Variants in MOK observed in about 807,000 individuals in gnomAD.
MOK encodes MOK protein kinase, also known as MAPK/MAK/MRK overlapping kinase.
A neutral mutation model predicts 54.2 loss-of-function variants in MOK; 59 were observed. The ratio of observed to expected loss-of-function variants is 1.09; its 90% confidence interval spans 0.88 to 1.35. The LOEUF is 1.35. Ranked by LOEUF, MOK falls within the 40% of genes most tolerant of loss-of-function variation. The probability of loss-of-function intolerance (pLI) is 0.00; values close to 1 mark genes in which losing one functional copy is unlikely to be tolerated. For synonymous variants in MOK, 210 were observed against 202.7 expected (o/e 1.04, Z -0.31); for missense variants, 517 against 526.2 (o/e 0.98, Z 0.17).
At chr14:102,273,185 C>T (rs990990828) in intron 2 of MOK, among the ~76,000 whole-genome samples, 2 of 148,322 alleles carry the variant, frequency 1.3e-5, no homozygotes, top group Non-Finnish European at 3.0e-5. Context: ...AAAAAGTCAT[C>T]AACATTGGGA....
intron 1 of MOK, among the ~76,000 whole-genome samples, chr14:102,299,415 T>C (rs2071891687): frequency 6.6e-6 from 1 of 151,812 alleles, no homozygotes; most frequent in South Asian, 2.1e-4. Flanking sequence ...CTCGGGAGGC[T>C]GATGCATGAG....
intron 1 of MOK, among the ~76,000 whole-genome samples, chr14:102,294,118 G>A (rs924808963): frequency 6.6e-6 from 1 of 151,134 alleles, no homozygotes; most frequent in African/African-American, 2.5e-5. Flanking sequence ...TGGGTAACAT[G>A]GTGAAATCTT....
intron 7 of MOK, among the ~76,000 whole-genome samples, chr14:102,242,922 G>A (rs2065828179): frequency 6.6e-6 from 1 of 151,990 alleles, no homozygotes; most frequent in South Asian, 2.1e-4. Context: ...GCCACTCTTT[G>A]CTTTCACTTG....
Position 102,228,872 on chromosome 14 carries a change from G to A in MOK, c.*417C>T, listed in dbSNP as rs1341078131. 1.1e-5 allele frequency: 2 copies of A among 189,060 alleles called. No individual in the cohort carries two copies. Among genetic ancestry groups the A allele is most frequent in the South Asian group, 1.7e-4 (1 of 5,852 alleles). 11.7% of individuals were successfully genotyped at this position (189,060 alleles called of 1,614,324 possible). A position where few individuals can be genotyped will look rare whatever the true frequency, so the allele number is the denominator to read the frequency against. ...CAGCTTATTCTTTAATAAAAGTCAG[G>A]GGTGTCAGCAGCGTCACTGGTAAGA... On this transcript the variant is annotated 3_prime_UTR_variant, in exon 12 of 12. Transcript: ENST00000361847.
chr14:102,261,409 A>AT (rs2067409397), intron 4 of MOK, among the ~76,000 whole-genome samples: 1 of 79,720 alleles, frequency 1.3e-5, no homozygotes, highest in Non-Finnish European at 2.4e-5. Context: ...AAAAAAAAAA[A>AT]AAAAAAAAAA....
intron 6 of MOK, chr14:102,251,547 T>A: frequency 1.6e-6 from 1 of 643,116 alleles, no homozygotes; most frequent in South Asian, 1.5e-5. Context: ...TGCTTTCAAT[T>A]ATTTTCTTCC....
In MOK at chr14:102,231,754, C is replaced by T. The variant is rs142160037; in HGVS notation, c.934G>A (p.Glu312Lys). The T allele has an allele frequency of 1.9e-4, 312 of 1,612,482 alleles. 1 individual carries two copies. Among genetic ancestry groups the T allele is most frequent in the Middle Eastern group, 3.9e-4 (2 of 5,098 alleles). ...AGFPEHPVAPEPLSNSCQISK... is the reference protein window; with the variant it reads ...AGFPEHPVAPKPLSNSCQISK... ...ATCTGGCAGCTGTTACTGAGTGGTT[C>T]CGGTGCCACAGGGTGCTCCGGAAAG... Residue 312 changes from glutamate to lysine, a missense_variant, in exon 10 of 12, where the codon GAA (glutamate) becomes AAA (lysine). Glu to Lys is a moderately conservative substitution (Grantham distance 56). Coordinates refer to ENST00000361847, the MANE Select transcript of MOK (RefSeq NM_014226.3). This position sits in a 1 kb window ranked among gnomAD's most constrained non-coding sequence, Gnocchi z 4.4.
the MOK span, among the ~76,000 whole-genome samples, chr14:102,218,154 G>A: frequency 6.6e-6 from 1 of 152,240 alleles, no homozygotes; most frequent in Non-Finnish European, 1.5e-5. Context: ...GCCATGAAAC[G>A]GGTCCCAGGG....
intron 7 of MOK, among the ~76,000 whole-genome samples, chr14:102,244,198 G>C (rs1027492717): frequency 6.6e-6 from 1 of 150,416 alleles, no homozygotes; most frequent in East Asian, 2.0e-4. Context: ...TCGGGGCAAC[G>C]CTTATGCTGA....
rs1309063618 is a variant in MOK at position 102,229,497 on chromosome 14, G to A, written c.1142C>T (p.Pro381Leu). 24 of 1,614,172 alleles carry A rather than the reference G, an allele frequency of 1.5e-5. No individual in the cohort carries two copies. Among genetic ancestry groups the A allele is most frequent in the Non-Finnish European group, 1.9e-5 (22 of 1,180,028 alleles). ...GATGCACTTCAAGGGTCTCAGCACC[G>A]GCACTCTTCCATTTGTTCCAGATCC... ...VLGSGTNGRVPVLRPLKCIPA... is the reference protein window; with the variant it reads ...VLGSGTNGRVLVLRPLKCIPA... The change falls in exon 11 of 12, where the codon CCG (proline) becomes CTG (leucine). Residue 381 changes from proline to leucine, a missense_variant. Transcript: ENST00000361847.
intron 7 of MOK, among the ~76,000 whole-genome samples, chr14:102,247,052 C>T (rs945373661): frequency 6.6e-6 from 1 of 152,150 alleles, no homozygotes; most frequent in African/African-American, 2.4e-5. Flanking sequence ...TCCCTCTTCC[C>T]TTGGCTCCCC....
chr14:102,231,538 A>C lies in MOK; in HGVS notation c.981+169T>G, dbSNP rs1319824231. Reference sequence around the variant, plus strand: ...TGAGCAAATAGAACTGGGGTCCCTGATGTCCCAACACATGGAGCCATCAAC... The same window carrying C: ...TGAGCAAATAGAACTGGGGTCCCTGCTGTCCCAACACATGGAGCCATCAAC... On this transcript the variant is annotated intron_variant, in intron 10 of 11. Transcript: ENST00000361847. This position sits in a 1 kb window ranked among gnomAD's most constrained non-coding sequence, Gnocchi z 4.4. 4 of 599,826 alleles carry C rather than the reference A, an allele frequency of 6.7e-6. No homozygotes were observed. The highest frequency in any genetic ancestry group is 1.2e-5 in the Non-Finnish European group (4 of 333,708). 37.2% of individuals were successfully genotyped at this position (599,826 alleles called of 1,614,324 possible).
the MOK span, among the ~76,000 whole-genome samples, chr14:102,215,507 G>T: frequency 6.6e-6 from 1 of 152,108 alleles, no homozygotes; most frequent in African/African-American, 2.4e-5. Context: ...TGAACGTGCA[G>T]GTTTGTTACA....
intron 1 of MOK, among the ~76,000 whole-genome samples, chr14:102,296,620 A>G (rs555417118): frequency 6.6e-6 from 1 of 152,298 alleles, no homozygotes; most frequent in Admixed American, 6.5e-5. Flanking sequence ...GTTGCTAGAT[A>G]ATGCATCTAC....
intron 4 of MOK, among the ~76,000 whole-genome samples, chr14:102,260,115 G>A (rs890642226): frequency 6.6e-6 from 1 of 151,552 alleles, no homozygotes; most frequent in Non-Finnish European, 1.5e-5. Flanking sequence ...GGCGGAGGTT[G>A]TGGTGAGCCG....
intron 1 of MOK, among the ~76,000 whole-genome samples, chr14:102,287,705 A>G (rs934883958): frequency 1.3e-5 from 2 of 152,190 alleles, no homozygotes; most frequent in Admixed American, 6.5e-5. Flanking sequence ...AATCAAAAAC[A>G]TAGATAATAA....
downstream of MOK, chr14:102,226,150 G>A (rs78709784): frequency 0.042 from 25,168 of 595,614 alleles, 713 homozygotes; most frequent in African/African-American, 0.12. This position sits in a 1 kb window ranked among gnomAD's most constrained non-coding sequence, Gnocchi z 4.8. Context: ...GGAAATGGCT[G>A]ATGGAGATGG....
chr14:102,232,634 G>C lies in MOK; in HGVS notation c.767C>G (p.Pro256Arg), dbSNP rs779216517. Residue 256 changes from proline (P) to arginine (R), a missense_variant, in exon 9 of 12, where the codon CCA (proline) becomes CGA (arginine). Physicochemically the swap from Pro to Arg is moderately radical, Grantham distance 103 (BLOSUM62 -2). Coordinates refer to ENST00000361847, the MANE Select transcript of MOK (RefSeq NM_014226.3). The surrounding 1 kb of genome is among the most constrained non-coding windows in gnomAD (Gnocchi z 5.1). ...TGCGTGCAGGAGGGAGAGGCATTGT[G>C]GGGACAAATTGGTTGTTAGTAGAGG... ...GIPLLTTNLS[P>R]QCLSLLHAMV... The C allele has an allele frequency of 6.2e-7, 1 of 1,614,046 alleles. No individual in the cohort carries two copies. Among genetic ancestry groups the C allele is most frequent in the South Asian group, 1.1e-5 (1 of 91,076 alleles).
At chr14:102,264,616 G>C (rs528376573) in intron 3 of MOK, 1 of 152,380 alleles carries the variant, frequency 6.6e-6, no homozygotes, top group Admixed American at 6.5e-5. Flanking sequence ...AGTGCACGAC[G>C]TGCATGCAGT....
Sources: gnomAD v4.1 joint callset for allele counts (sites outside exome capture counted in the v4.1 genomes callset) on GRCh38, gnomAD v4.1.1 for gene constraint, Gnocchi (gnomAD v3.1) non-coding constraint, MANE v1.5 for transcripts, NCBI Gene and HGNC (gene_info 2026-07-23, HGNC 2026-07-21) for gene names.